GNA13: variants seen among roughly 807,000 people sequenced by gnomAD.
GNA13 encodes G protein subunit alpha 13.
A neutral mutation model predicts 33.5 loss-of-function variants in GNA13; 4 were observed. The ratio of observed to expected loss-of-function variants is 0.12; its 90% CI spans 0.06 to 0.27. The LOEUF is 0.27. GNA13 is among the 10% of genes least tolerant of loss of function. The probability of loss-of-function intolerance (pLI) is 1.00; values close to 1 mark genes in which losing one functional copy is unlikely to be tolerated. For synonymous variants in GNA13, 176 were observed against 183.8 expected (o/e 0.96, Z 0.34); for missense variants, 319 against 487.2 (o/e 0.65, Z 3.25).
At chr17:65,020,392 T>C (rs913975590) in intron 2 of GNA13, among the ~76,000 whole-genome samples, 3 of 152,200 alleles carry the variant, frequency 2.0e-5, no homozygotes, top group African/African-American at 7.2e-5. Context: ...ACCAACCGCT[T>C]AAGTTCTGCC....
chr17:65,018,660 T>C lies in GNA13; in HGVS notation c.511-357A>G, dbSNP rs575783089. Among the ~76,000 whole-genome samples, 272 of 152,326 alleles carry C rather than the reference T, an allele frequency of 1.8e-3. 3 individuals carry two copies. Among genetic ancestry groups the C allele is most frequent in the African/African-American group, 6.2e-3 (258 of 41,572 alleles). On this transcript the variant is annotated intron_variant, in intron 2 of 3. Coordinates refer to ENST00000439174, the MANE Select transcript of GNA13 (RefSeq NM_006572.6). ...ATAAAACATAAATCTACATATAAAATTTAAGTGACAGTCTTTTTGTCTACA... is the reference window on the plus strand; with the variant it reads ...ATAAAACATAAATCTACATATAAAACTTAAGTGACAGTCTTTTTGTCTACA...
intron 2 of GNA13, among the ~76,000 whole-genome samples, chr17:65,049,561 A>G (rs1439601148): frequency 1.3e-5 from 2 of 152,214 alleles, no homozygotes; most frequent in East Asian, 3.8e-4. Flanking sequence ...ACTCTAACAC[A>G]CATAATGGGT....
At chr17:65,026,763 A>G (rs1906798731) in intron 2 of GNA13, among the ~76,000 whole-genome samples, 1 of 151,974 alleles carries the variant, frequency 6.6e-6, no homozygotes, top group Admixed American at 6.5e-5. Flanking sequence ...TTCCAAGCAC[A>G]TTCAATTTTT....
chr17:65,019,525 T>C (rs1294931015), intron 2 of GNA13, among the ~76,000 whole-genome samples: 1 of 152,116 alleles, frequency 6.6e-6, no homozygotes, highest in Admixed American at 6.5e-5. Context: ...CAACAACATA[T>C]ATGGAAGTGT....
intron 2 of GNA13, among the ~76,000 whole-genome samples, chr17:65,031,921 A>AGAGAGAGAGTGT (rs770161529): frequency 4.4e-5 from 4 of 91,714 alleles, no homozygotes; most frequent in East Asian, 2.4e-4. Context: ...AGAGAGAGAG[A>AGAGAGAGAGTGT]GTGTGTGTGT....
chr17:65,045,643 T>TGTA (rs1467754680), intron 2 of GNA13, among the ~76,000 whole-genome samples: 1 of 151,900 alleles, frequency 6.6e-6, no homozygotes, highest in Non-Finnish European at 1.5e-5. Flanking sequence ...TAGGATAAAA[T>TGTA]GTACCATTCA....
chr17:65,018,092 T>TAAAAA (rs767082596), intron 3 of GNA13, among the ~76,000 whole-genome samples, 161 bp downstream of exon 3: 1 of 21,508 alleles, frequency 4.6e-5, no homozygotes, highest in African/African-American at 1.4e-4. Context: ...ACGCCACCAC[T>TAAAAA]AAAAAAAAAA....
At chr17:65,029,989 T>C (rs1460881408) in intron 2 of GNA13, among the ~76,000 whole-genome samples, 2 of 152,122 alleles carry the variant, frequency 1.3e-5, no homozygotes, top group Non-Finnish European at 2.9e-5. Flanking sequence ...TGGCATAAAG[T>C]GCGTGACTCT....
chr17:65,033,224 C>A (rs761687209), intron 2 of GNA13, among the ~76,000 whole-genome samples: 1 of 151,990 alleles, frequency 6.6e-6, no homozygotes, highest in Non-Finnish European at 1.5e-5. Context: ...CTGGCTGACA[C>A]CTGTAATCCC....
chr17:65,016,959 C>T (rs1906391914), intron 3 of GNA13, among the ~76,000 whole-genome samples: 1 of 152,180 alleles, frequency 6.6e-6, no homozygotes, highest in Non-Finnish European at 1.5e-5. Flanking sequence ...CATTCCCCTA[C>T]TAGTGGTCAT....
intron 2 of GNA13, among the ~76,000 whole-genome samples, chr17:65,047,555 T>C (rs751880493): frequency 1.3e-5 from 2 of 152,180 alleles, no homozygotes; most frequent in African/African-American, 4.8e-5. Flanking sequence ...ATAGAGAAAA[T>C]GGACCAATCA....
At chr17:65,034,012 C>CAAAAAAAAAAAAAAAAAAA (rs780895691) in intron 2 of GNA13, among the ~76,000 whole-genome samples, 1 of 50,090 alleles carries the variant, frequency 2.0e-5, no homozygotes, top group African/African-American at 9.5e-5. Flanking sequence ...GACTCCGTCT[C>CAAAAAAAAAAAAAAAAAAA]AAAAAAAAAA....
intron 2 of GNA13, among the ~76,000 whole-genome samples, chr17:65,020,325 C>T (rs1159264848): frequency 1.3e-5 from 2 of 152,168 alleles, no homozygotes; most frequent in Admixed American, 6.5e-5. Flanking sequence ...CTCTAAACTC[C>T]TCCAGGTCTC....
At chr17:65,018,398 C>A in intron 2 of GNA13, 95 bp from the exon 3 acceptor site, 1 of 715,872 alleles carries the variant, frequency 1.4e-6, no homozygotes, top group Non-Finnish European at 2.5e-6. Flanking sequence ...GTACACTTAA[C>A]CCAAACAGAC....
intron 2 of GNA13, among the ~76,000 whole-genome samples, chr17:65,040,561 G>A (rs570034875): frequency 2.6e-5 from 4 of 152,026 alleles, no homozygotes; most frequent in South Asian, 4.1e-4. Context: ...CTGGAGTGCC[G>A]TGGCATGACC....
At chr17:65,029,688 A>C (rs1411430000) in intron 2 of GNA13, among the ~76,000 whole-genome samples, 1 of 152,084 alleles carries the variant, frequency 6.6e-6, no homozygotes, top group Non-Finnish European at 1.5e-5. Flanking sequence ...TTAGACTCAA[A>C]ATCTCTTTGC....
intron 2 of GNA13, among the ~76,000 whole-genome samples, chr17:65,030,116 A>G (rs1174467881): frequency 2.0e-5 from 3 of 152,224 alleles, no homozygotes; most frequent in Non-Finnish European, 2.9e-5. Flanking sequence ...ACATCAATCA[A>G]AAAGACATCC....
At position 65,039,586 on chromosome 17, in the gene GNA13, T is replaced by C. The variant is rs1212107871; in HGVS notation, c.510+13916A>G. ...CTTTGCACATGGTGCTCATTCTGCC[T>C]GGAGCATTCTTCCCCCTCCTTTCCT... On this transcript the variant is annotated intron_variant, in intron 2 of 3. Coordinates refer to ENST00000439174, the MANE Select transcript of GNA13 (RefSeq NM_006572.6). Among the ~76,000 whole-genome samples, 4 of 152,234 alleles carry C rather than the reference T, an allele frequency of 2.6e-5. No individual in the cohort carries two copies. In the East Asian group the frequency reaches 7.7e-4, roughly 29 times the overall value.
rs557703409 is a variant in GNA13 at position 65,036,270 on chromosome 17, T to C, written c.510+17232A>G. Among the ~76,000 whole-genome samples, 274 of 152,322 alleles carry C rather than the reference T, an allele frequency of 1.8e-3. 2 individuals are homozygous for C. The highest frequency in any genetic ancestry group is 6.2e-3 in the African/African-American group (258 of 41,576). ...GATGAATGTGAAAATTAGCTCAAAA[T>C]GTATGCTGGCACATCAGCTCCTGTT... On this transcript the variant is annotated intron_variant, in intron 2 of 3. Transcript: ENST00000439174.
Sources: allele counts gnomAD v4.1 joint callset (sites outside exome capture counted in the v4.1 genomes callset), GRCh38; gene constraint gnomAD v4.1.1; transcripts MANE v1.5; gene names NCBI Gene and HGNC (gene_info 2026-07-23, HGNC 2026-07-21).